The following PLCL2 variants were observed in gnomAD, a reference collection of about 807,000 sequenced individuals.
PLCL2 encodes phospholipase C like 2.
A neutral mutation model predicts 79.6 loss-of-function variants in PLCL2; 4 were observed. That is an observed-to-expected ratio of 0.05 (90% CI 0.02 to 0.11). The LOEUF is 0.11. Among genes scored for constraint, PLCL2 ranks in the 10% least tolerant of loss-of-function variants. The probability of loss-of-function intolerance (pLI) is 1.00; values close to 1 mark genes in which losing one functional copy is unlikely to be tolerated. For missense variants in PLCL2, 895 were observed against 1,291.0 expected, an observed-to-expected ratio of 0.69 and a Z score of 4.70; for synonymous variants, 484 against 457.7, an observed-to-expected ratio of 1.06 and a Z score of -0.73.
At chr3:16,955,013 A>G (rs2063690801) in intron 1 of PLCL2, among the ~76,000 whole-genome samples, 1 of 152,198 alleles carries the variant, frequency 6.6e-6, no homozygotes, top group Non-Finnish European at 1.5e-5. Flanking sequence ...TTTGCTGTGC[A>G]GAAGCTCTTT....
Position 17,009,554 on chromosome 3 carries a change from C to A in PLCL2, c.328-120C>A. 1.7e-6 allele frequency: 1 copy of A among 590,160 alleles called. No homozygotes were observed. The highest frequency in any genetic ancestry group is 2.9e-6 in the Non-Finnish European group (1 of 343,658). 36.6% of individuals were successfully genotyped at this position (590,160 alleles called of 1,614,324 possible). A position where few individuals can be genotyped will look rare whatever the true frequency, so the allele number is the denominator to read the frequency against. ...AATGAGTATCATTCATCACAGGAAT[C>A]TAGAATAGGAAATCTTAATAGTATG... On this transcript the variant is annotated intron_variant, in intron 1 of 5. Coordinates refer to ENST00000615277, the MANE Select transcript of PLCL2 (RefSeq NM_001144382.2). This position sits in a 1 kb window ranked among gnomAD's most constrained non-coding sequence, Gnocchi z 4.0.
intron 4 of PLCL2, chr3:17,043,953 C>T (rs939139846): frequency 2.4e-4 from 37 of 152,172 alleles, no homozygotes; most frequent in Admixed American, 2.0e-4. Flanking sequence ...TATTCAAACA[C>T]AATTTTTATC....
intron 1 of PLCL2, among the ~76,000 whole-genome samples, chr3:16,903,712 A>G (rs776167411): frequency 2.0e-4 from 30 of 152,238 alleles, no homozygotes; most frequent in Non-Finnish European, 2.5e-4. Context: ...CAAGTGGGAG[A>G]AGTCACACCT....
At chr3:16,947,559 G>A (rs1357919124) in intron 1 of PLCL2, among the ~76,000 whole-genome samples, 1 of 152,122 alleles carries the variant, frequency 6.6e-6, no homozygotes, top group Non-Finnish European at 1.5e-5. Context: ...TCCATGGGGT[G>A]GAAGTGTTTT....
chr3:16,942,069 T>C (rs904418756), intron 1 of PLCL2, among the ~76,000 whole-genome samples: 1 of 152,190 alleles, frequency 6.6e-6, no homozygotes, highest in African/African-American at 2.4e-5. Flanking sequence ...GGAGAAACCG[T>C]GAAGTATGTG....
In PLCL2 at chr3:16,907,862, C is replaced by T. The variant is rs181491588; in HGVS notation, c.327+22496C>T. 4.0e-3 allele frequency among the ~76,000 whole-genome samples: 612 copies of T among 151,918 alleles called. 2 individuals are homozygous for T. Among genetic ancestry groups the T allele is most frequent in the African/African-American group, 0.014 (586 of 41,410 alleles). ...TTTACCTGCCTTCATAATGACTGCACGAAAGAAATAAATATCAATTCATTT... is the reference window on the plus strand; with the variant it reads ...TTTACCTGCCTTCATAATGACTGCATGAAAGAAATAAATATCAATTCATTT... On this transcript the variant is annotated intron_variant, in intron 1 of 5. Coordinates refer to ENST00000615277, the MANE Select transcript of PLCL2 (RefSeq NM_001144382.2).
At chr3:16,926,048 A>T (rs972633876) in intron 1 of PLCL2, among the ~76,000 whole-genome samples, 2 of 152,242 alleles carry the variant, frequency 1.3e-5, no homozygotes, top group African/African-American at 4.8e-5. Flanking sequence ...TATAAATGAA[A>T]TGTTTCAAAT....
chr3:16,937,663 G>C (rs1697572817), intron 1 of PLCL2, among the ~76,000 whole-genome samples: 1 of 152,188 alleles, frequency 6.6e-6, no homozygotes, highest in Non-Finnish European at 1.5e-5. Flanking sequence ...GCCAAAGTTT[G>C]TTTCAAAAAC....
chr3:17,089,804 T>C lies in PLCL2; in HGVS notation c.3276T>C (p.Ala1092=). The stretch of plus-strand genomic sequence containing the variant: ...ACCTGAAACAAATCCATTTTGCTGC[T>C]GTTTCATGTGGACTGAATAAACCAG... ...LENLKQIHFA[A]VSCGLNKPGT... The change falls in exon 6 of 6, where the codon GCT becomes GCC. Residue 1092 remains alanine (A), a synonymous_variant. Transcript: ENST00000615277. 1 of 1,614,032 alleles carries C rather than the reference T, an allele frequency of 6.2e-7. No individual in the cohort carries two copies. The highest frequency in any genetic ancestry group is 8.5e-7 in the Non-Finnish European group (1 of 1,179,886).
chr3:16,957,454 T>C (rs1400487577), intron 1 of PLCL2, among the ~76,000 whole-genome samples: 1 of 152,186 alleles, frequency 6.6e-6, no homozygotes, highest in Non-Finnish European at 1.5e-5. Flanking sequence ...TCCAAGTATG[T>C]GGTCAATTTT....
Position 17,090,316 on chromosome 3 carries a change from G to A in PLCL2, c.*404G>A, listed in dbSNP as rs911134445. On this transcript the variant is annotated 3_prime_UTR_variant, in exon 6 of 6. Transcript: ENST00000615277. Reference sequence around the variant, plus strand: ...GATCTACACATTTTTACTTATATGGGGTTGCCAGAGTCTCTGGGTTCTAGA... The same window carrying A: ...GATCTACACATTTTTACTTATATGGAGTTGCCAGAGTCTCTGGGTTCTAGA... 4.6e-5 allele frequency: 43 copies of A among 925,004 alleles called. No homozygotes were observed. The South Asian group carries it at 2.0e-3, about 42-fold the overall frequency. 57.3% of individuals were successfully genotyped at this position (925,004 alleles called of 1,614,324 possible). A position where few individuals can be genotyped will look rare whatever the true frequency, so the allele number is the denominator to read the frequency against.
At chr3:16,966,529 T>C (rs1355768945) in intron 1 of PLCL2, among the ~76,000 whole-genome samples, 1 of 152,186 alleles carries the variant, frequency 6.6e-6, no homozygotes, top group Non-Finnish European at 1.5e-5. Context: ...GATGTTGGCC[T>C]CATAAAATGA....
chr3:16,893,139 C>T (rs1290659969), intron 1 of PLCL2, among the ~76,000 whole-genome samples: 3 of 152,194 alleles, frequency 2.0e-5, no homozygotes, highest in Non-Finnish European at 4.4e-5. Flanking sequence ...TCCTGCCCAT[C>T]GTGCCTCAAG....
chr3:17,049,814 G>C (rs554820210), intron 4 of PLCL2, among the ~76,000 whole-genome samples: 6 of 151,660 alleles, frequency 4.0e-5, no homozygotes, highest in African/African-American at 1.5e-4. Flanking sequence ...CATTCTTCAT[G>C]GAAATTGAAA....
intron 1 of PLCL2, among the ~76,000 whole-genome samples, chr3:16,906,863 G>T (rs1053426784): frequency 5.3e-5 from 8 of 152,176 alleles, no homozygotes; most frequent in Non-Finnish European, 8.8e-5. Flanking sequence ...AATAGAAACT[G>T]TTTGTTTACT....
At chr3:17,067,453 A>C (rs545810293) in intron 4 of PLCL2, among the ~76,000 whole-genome samples, 2 of 152,318 alleles carry the variant, frequency 1.3e-5, no homozygotes, top group East Asian at 3.9e-4. Flanking sequence ...GTTAGAGTTC[A>C]GGGTCTTTCT....
chr3:17,063,718 A>G (rs1047999155), intron 4 of PLCL2, among the ~76,000 whole-genome samples: 1 of 152,168 alleles, frequency 6.6e-6, no homozygotes, highest in African/African-American at 2.4e-5. Flanking sequence ...TTACTGTAAC[A>G]GTCTCCACTT....
rs1488483664 is a variant in PLCL2 at position 17,014,761 on chromosome 3, C to T, written c.2868C>T (p.Leu956=). The T allele has an allele frequency of 6.2e-7, 1 of 1,614,148 alleles. No individual in the cohort carries two copies. Among genetic ancestry groups the T allele is most frequent in the African/African-American group, 1.3e-5 (1 of 75,048 alleles). The change falls in exon 3 of 6, where the codon CTC becomes CTT. Residue 956 remains leucine, a synonymous_variant. Coordinates refer to ENST00000615277, the MANE Select transcript of PLCL2 (RefSeq NM_001144382.2). ...GTGGCCTCTCCTCTGTGGCCAATCTCATGCAGTGCATGTTGGCGGTGTCTC... is the reference window on the plus strand; with the variant it reads ...GTGGCCTCTCCTCTGTGGCCAATCTTATGCAGTGCATGTTGGCGGTGTCTC... ...ELCGLSSVAN[L]MQCMLAVSPR...
At chr3:16,932,129 A>G (rs551445052) in intron 1 of PLCL2, among the ~76,000 whole-genome samples, 2 of 152,328 alleles carry the variant, frequency 1.3e-5, no homozygotes, top group South Asian at 2.1e-4. Context: ...TTAAGCTACC[A>G]GTCTATGGTA....
Sources: gnomAD v4.1 joint callset for allele counts (sites outside exome capture counted in the v4.1 genomes callset) on GRCh38, gnomAD v4.1.1 for gene constraint, Gnocchi (gnomAD v3.1) non-coding constraint, MANE v1.5 for transcripts, NCBI Gene and HGNC (gene_info 2026-07-23, HGNC 2026-07-21) for gene names.